Variants in MAGI3 observed in about 807,000 individuals in gnomAD.
MAGI3 encodes membrane-associated guanylate kinase, WW and PDZ domain-containing protein 3.
Under a neutral mutation model 121.8 loss-of-function variants are expected in MAGI3, and 43 were observed. The ratio of observed to expected loss-of-function variants is 0.35; its 90% CI spans 0.28 to 0.46. MAGI3 has a LOEUF of 0.46. Ranked by LOEUF, MAGI3 falls within the 20% of genes least tolerant of loss-of-function variation. The pLI, the probability that MAGI3 is intolerant of heterozygous loss-of-function variation, is 1.00. For missense variants in MAGI3, 1,547 were observed against 1,797.3 expected (o/e 0.86, Z 2.52); for synonymous variants, 553 against 639.3 (o/e 0.86, Z 2.04).
chr1:113,562,032 T>C (rs1358286525), intron 2 of MAGI3, among the ~76,000 whole-genome samples: 28 of 151,968 alleles, frequency 1.8e-4, no homozygotes, highest in Admixed American at 1.8e-3. Flanking sequence ...TAAAAAAGAA[T>C]AAAATACCTA....
chr1:113,429,195 C>G (rs1245668667), intron 1 of MAGI3, among the ~76,000 whole-genome samples: 2 of 152,222 alleles, frequency 1.3e-5, no homozygotes, highest in African/African-American at 4.8e-5. Flanking sequence ...TCAATGTCCA[C>G]TAGCATTTTT....
intron 9 of MAGI3, among the ~76,000 whole-genome samples, chr1:113,623,366 T>A (rs927938292): frequency 2.6e-5 from 4 of 151,604 alleles, no homozygotes; most frequent in Non-Finnish European, 4.4e-5. Context: ...CCTATTGTGT[T>A]ATCAAAAACT....
At chr1:113,615,825 G>A (rs1650424632) in intron 7 of MAGI3, among the ~76,000 whole-genome samples, 1 of 152,134 alleles carries the variant, frequency 6.6e-6, no homozygotes, top group Non-Finnish European at 1.5e-5. Context: ...GTATACAGCA[G>A]CTCTTTTATT....
intron 1 of MAGI3, among the ~76,000 whole-genome samples, chr1:113,431,978 G>T (rs1653323387): frequency 6.6e-6 from 1 of 152,140 alleles, no homozygotes; most frequent in East Asian, 1.9e-4. Context: ...TAATTTTATG[G>T]AATGGTAGCT....
intron 3 of MAGI3, among the ~76,000 whole-genome samples, chr1:113,582,466 A>G (rs61819422): frequency 0.12 from 10,057 of 81,372 alleles, 453 homozygotes; most frequent in Middle Eastern, 0.18. Flanking sequence ...ATTTATAGGT[A>G]TCAACATTAA....
At chr1:113,492,793 C>T (rs1656732531) in intron 1 of MAGI3, among the ~76,000 whole-genome samples, 1 of 152,088 alleles carries the variant, frequency 6.6e-6, no homozygotes, top group Non-Finnish European at 1.5e-5. Context: ...ATCCCATTCA[C>T]AATTGCCACA....
intron 6 of MAGI3, among the ~76,000 whole-genome samples, chr1:113,595,945 C>T (rs922726264): frequency 1.3e-5 from 2 of 152,030 alleles, no homozygotes; most frequent in African/African-American, 2.4e-5. Flanking sequence ...GTGAGAAGAT[C>T]GCTTGAGTCC....
chr1:113,398,460 G>A lies in MAGI3; in HGVS notation c.316+7111G>A, dbSNP rs569446778. ...ATTGTCTTGGGTATACAATGTGAACGGTAACCGATCTACTTAATTAAAACT... is the reference window on the plus strand; with the variant it reads ...ATTGTCTTGGGTATACAATGTGAACAGTAACCGATCTACTTAATTAAAACT... On this transcript the variant is annotated intron_variant, in intron 1 of 20. Coordinates refer to ENST00000307546, the MANE Select transcript of MAGI3 (RefSeq NM_001142782.2). Among the ~76,000 whole-genome samples, 8 of 152,150 alleles carry A rather than the reference G, an allele frequency of 5.3e-5. No homozygotes were observed. The East Asian group carries it at 1.2e-3, about 22-fold the overall frequency.
chr1:113,454,649 C>T (rs1654656288), intron 1 of MAGI3, among the ~76,000 whole-genome samples: 1 of 152,118 alleles, frequency 6.6e-6, no homozygotes, highest in South Asian at 2.1e-4. Flanking sequence ...TCCCCTAGCC[C>T]CCCATCCCTC....
At chr1:113,496,450 G>T (rs2101590460) in intron 1 of MAGI3, among the ~76,000 whole-genome samples, 1 of 152,302 alleles carries the variant, frequency 6.6e-6, no homozygotes, top group East Asian at 1.9e-4. Context: ...TTTGTTAAAT[G>T]TGACCGTCAG....
chr1:113,637,081 G>A (rs1652082751), intron 9 of MAGI3, among the ~76,000 whole-genome samples: 2 of 152,026 alleles, frequency 1.3e-5, no homozygotes, highest in South Asian at 2.1e-4. Flanking sequence ...CCATTTACTT[G>A]GTAGATCTTC....
chr1:113,657,960 G>T (rs1345645410), intron 15 of MAGI3, among the ~76,000 whole-genome samples: 1 of 152,106 alleles, frequency 6.6e-6, no homozygotes, highest in Admixed American at 6.6e-5. Flanking sequence ...TCCAAATGAA[G>T]GTCTATTTAA....
At chr1:113,414,752 C>T (rs1056389251) in intron 1 of MAGI3, among the ~76,000 whole-genome samples, 76 of 151,750 alleles carry the variant, frequency 5.0e-4, no homozygotes, top group Non-Finnish European at 9.3e-4. Context: ...ATAAAAATTA[C>T]AAAACATGAT....
At chr1:113,482,369 T>G (rs1170716318) in intron 1 of MAGI3, among the ~76,000 whole-genome samples, 1 of 152,172 alleles carries the variant, frequency 6.6e-6, no homozygotes, top group Non-Finnish European at 1.5e-5. Flanking sequence ...GCCTATTTTT[T>G]TTTTCATTGA....
At chr1:113,509,978 C>A (rs1657536098) in intron 1 of MAGI3, among the ~76,000 whole-genome samples, 1 of 152,028 alleles carries the variant, frequency 6.6e-6, no homozygotes, top group Non-Finnish European at 1.5e-5. Context: ...GAGCATCCGT[C>A]TCATCGGATG....
chr1:113,637,510 A>G (rs1226213809), intron 9 of MAGI3, among the ~76,000 whole-genome samples: 6 of 152,158 alleles, frequency 3.9e-5, no homozygotes, highest in Admixed American at 3.9e-4. Context: ...GCTGGATATG[A>G]AGTTCTGGGT....
intron 14 of MAGI3, among the ~76,000 whole-genome samples, chr1:113,652,241 C>T (rs1289141281): frequency 3.3e-5 from 5 of 152,084 alleles, no homozygotes; most frequent in African/African-American, 1.2e-4. Flanking sequence ...TAAAAAAATA[C>T]AACTCTGTAG....
intron 1 of MAGI3, among the ~76,000 whole-genome samples, chr1:113,525,711 G>A (rs1262008656): frequency 2.0e-5 from 3 of 151,914 alleles, no homozygotes; most frequent in Admixed American, 6.6e-5. Context: ...TTATGTGAAA[G>A]ATCATTAAAA....
intron 19 of MAGI3, among the ~76,000 whole-genome samples, chr1:113,678,577 C>T (rs558787231): frequency 3.3e-5 from 5 of 152,252 alleles, no homozygotes; most frequent in Admixed American, 2.0e-4. Flanking sequence ...TCATAGTTGA[C>T]TTGAATTTTT....
Sources: gnomAD v4.1 joint callset for allele counts (sites outside exome capture counted in the v4.1 genomes callset) on GRCh38, gnomAD v4.1.1 for gene constraint, MANE v1.5 for transcripts, NCBI Gene and HGNC (gene_info 2026-07-23, HGNC 2026-07-21) for gene names.